Variants in CMTM8 observed in about 807,000 individuals in gnomAD.
CMTM8 encodes the protein CKLF-like MARVEL transmembrane domain-containing protein 8.
Under a neutral mutation model 18.6 loss-of-function variants are expected in CMTM8, and 12 were observed. That is an observed-to-expected ratio of 0.65 (90% CI 0.41 to 1.05). The LOEUF is 1.05. Among genes scored for constraint, CMTM8 ranks in the 50% least tolerant of loss-of-function variants. CMTM8 has a pLI of 0.00. For missense variants in CMTM8, 217 were observed against 227.2 expected (o/e 0.95, Z 0.29); for synonymous variants, 87 against 90.6 (o/e 0.96, Z 0.23).
At chr3:32,238,270 G>GT (rs1268997953), upstream of CMTM8, 5 of 152,450 alleles carry the variant, frequency 3.3e-5, no homozygotes, top group Middle Eastern at 6.7e-3. Context: ...AGCATTCGAG[G>GT]TACCACATCA....
chr3:32,276,300 T>C (rs1323168531), intron 1 of CMTM8, among the ~76,000 whole-genome samples: 1 of 152,192 alleles, frequency 6.6e-6, no homozygotes, highest in East Asian at 1.9e-4. Flanking sequence ...AAAAGACTTC[T>C]CACCAAACCA....
intron 1 of CMTM8, among the ~76,000 whole-genome samples, chr3:32,354,005 G>T (rs1310104718): frequency 6.6e-6 from 1 of 151,924 alleles, no homozygotes; most frequent in Admixed American, 6.6e-5. Flanking sequence ...GGATGGTCTT[G>T]ATCTCTTGAC....
intron 2 of CMTM8, 72 bp from the exon 3 acceptor site, chr3:32,367,800 C>A: frequency 9.8e-7 from 1 of 1,015,418 alleles, no homozygotes; most frequent in South Asian, 1.4e-5. Flanking sequence ...GTACAGCCCT[C>A]ATCACTTCTG....
chr3:32,357,369 A>G lies in CMTM8; in HGVS notation c.148-4A>G, dbSNP rs191360506. On this transcript the variant is annotated splice_polypyrimidine_tract_variant and splice_region_variant and intron_variant, in intron 1 of 3. Coordinates refer to ENST00000307526, the MANE Select transcript of CMTM8 (RefSeq NM_178868.5). Reference sequence around the variant, plus strand: ...CTCTCTCCACTGCTTCTACCACTTTACAGGTTCTGGGGCTGCTGGTATGGA... The same window carrying G: ...CTCTCTCCACTGCTTCTACCACTTTGCAGGTTCTGGGGCTGCTGGTATGGA... 4 of 1,612,372 alleles carry G rather than the reference A, an allele frequency of 2.5e-6. No individual in the cohort carries two copies. The highest frequency in any genetic ancestry group is 1.7e-5 in the Admixed American group (1 of 59,936).
chr3:32,317,363 C>T (rs1440401359), intron 1 of CMTM8, among the ~76,000 whole-genome samples: 1 of 152,056 alleles, frequency 6.6e-6, no homozygotes, highest in African/African-American at 2.4e-5. Context: ...TCACATTTAC[C>T]TTGGTCCATC....
chr3:32,362,342 C>T (rs762270361), intron 2 of CMTM8, among the ~76,000 whole-genome samples: 9 of 152,226 alleles, frequency 5.9e-5, no homozygotes, highest in South Asian at 2.1e-4. Context: ...CGCACCTGGC[C>T]GGCAGTTACT....
chr3:32,324,663 T>C (rs572269991), intron 1 of CMTM8, among the ~76,000 whole-genome samples: 2 of 152,208 alleles, frequency 1.3e-5, no homozygotes, highest in Non-Finnish European at 2.9e-5. Context: ...GGCAGCATCT[T>C]ACCCAGGAAG....
intron 1 of CMTM8, among the ~76,000 whole-genome samples, chr3:32,304,744 A>G (rs535100860): frequency 6.6e-6 from 1 of 152,334 alleles, no homozygotes; most frequent in Non-Finnish European, 1.5e-5. Context: ...TTGGTTTTTC[A>G]TGTTCCAGTT....
Position 32,277,418 on chromosome 3 carries a change from T to G in CMTM8, c.147+38299T>G, listed in dbSNP as rs184747419. 9.4e-4 allele frequency among the ~76,000 whole-genome samples: 143 copies of G among 152,080 alleles called. 2 individuals carry two copies. In the East Asian group the frequency reaches 0.026, roughly 27 times the overall value. On this transcript the variant is annotated intron_variant, in intron 1 of 3. Transcript: ENST00000307526. ...TATTTTCCTTTTTTTTTTCTTTTTT[T>G]GTTGAGACAGAGTCTCACTATGTTA...
At chr3:32,344,477 T>C (rs1696557057) in intron 1 of CMTM8, among the ~76,000 whole-genome samples, 2 of 152,206 alleles carry the variant, frequency 1.3e-5, no homozygotes, top group Admixed American at 1.3e-4. Context: ...CAGTAGGTAT[T>C]TGAATAAATG....
chr3:32,333,114 T>A (rs1354751952), intron 1 of CMTM8, among the ~76,000 whole-genome samples: 1 of 152,224 alleles, frequency 6.6e-6, no homozygotes, highest in African/African-American at 2.4e-5. Flanking sequence ...CTCCACTGTG[T>A]CATTGTAGCA....
chr3:32,263,461 A>G (rs570023403), intron 1 of CMTM8, among the ~76,000 whole-genome samples: 3 of 152,342 alleles, frequency 2.0e-5, no homozygotes, highest in East Asian at 3.9e-4. Context: ...CGTCACCATC[A>G]TCAAAGACCA....
intron 1 of CMTM8, among the ~76,000 whole-genome samples, chr3:32,349,919 A>C (rs1480859657): frequency 2.6e-5 from 4 of 152,120 alleles, no homozygotes; most frequent in Non-Finnish European, 5.9e-5. Context: ...GAGGCAGGAG[A>C]ATCACTTGAA....
chr3:32,260,924 T>C (rs1166143537), intron 1 of CMTM8, among the ~76,000 whole-genome samples: 1 of 152,090 alleles, frequency 6.6e-6, no homozygotes, highest in Admixed American at 6.5e-5. Flanking sequence ...TCTTTCCCAG[T>C]CTAAAATGCT....
chr3:32,281,340 T>G (rs1158439529), intron 1 of CMTM8, among the ~76,000 whole-genome samples: 1 of 152,206 alleles, frequency 6.6e-6, no homozygotes, highest in African/African-American at 2.4e-5. Context: ...TTTGATTAAT[T>G]TAGCACATGC....
chr3:32,273,687 G>T (rs1392710020), intron 1 of CMTM8, among the ~76,000 whole-genome samples: 1 of 152,156 alleles, frequency 6.6e-6, no homozygotes, highest in African/African-American at 2.4e-5. Context: ...TGCTGGGAGA[G>T]GGAGGAATGG....
intron 1 of CMTM8, among the ~76,000 whole-genome samples, chr3:32,331,285 G>C (rs1445766168): frequency 6.6e-6 from 1 of 152,164 alleles, no homozygotes; most frequent in African/African-American, 2.4e-5. Context: ...ACACCTGTTA[G>C]GATGGCCACT....
intron 1 of CMTM8, among the ~76,000 whole-genome samples, chr3:32,331,951 A>G (rs931454424): frequency 1.8e-4 from 28 of 152,288 alleles, no homozygotes; most frequent in Middle Eastern, 3.4e-3. Flanking sequence ...AGTTCTAGAG[A>G]TCTTCTGCAC....
intron 2 of CMTM8, among the ~76,000 whole-genome samples, chr3:32,365,988 A>T (rs1697025372): frequency 1.3e-5 from 2 of 152,000 alleles, no homozygotes; most frequent in Admixed American, 1.3e-4. Flanking sequence ...AACCTTTATG[A>T]CGATCCTGGT....
Sources: gnomAD v4.1 joint callset for allele counts (sites outside exome capture counted in the v4.1 genomes callset) on GRCh38, gnomAD v4.1.1 for gene constraint, MANE v1.5 for transcripts, NCBI Gene and HGNC (gene_info 2026-07-23, HGNC 2026-07-21) for gene names.